The following HS1BP3 variants were observed in gnomAD, a reference collection of about 807,000 sequenced individuals.
The protein encoded by HS1BP3 is HCLS1-binding protein 3.
A neutral mutation model predicts 33.5 loss-of-function variants in HS1BP3; 32 were observed. The observed-to-expected ratio is 0.95, with a 90% CI of 0.72 to 1.28. The LOEUF is 1.28. Ranked by LOEUF, HS1BP3 falls within the 50% of genes most tolerant of loss-of-function variation. The probability of loss-of-function intolerance (pLI) is 0.00; values close to 1 mark genes in which losing one functional copy is unlikely to be tolerated. For missense variants in HS1BP3, 486 were observed against 502.3 expected, an observed-to-expected ratio of 0.97 and a Z score of 0.31; for synonymous variants, 187 against 209.2, an observed-to-expected ratio of 0.89 and a Z score of 0.92.
chr2:20,631,810 C>T (rs1694976833), intron 4 of HS1BP3, among the ~76,000 whole-genome samples: 1 of 152,142 alleles, frequency 6.6e-6, no homozygotes, highest in South Asian at 2.1e-4. Flanking sequence ...GTCCCAGCTG[C>T]AGGTCTCTGC....
At chr2:20,599,893 C>T (rs1694032708) in intron 2 of HS1BP3, among the ~76,000 whole-genome samples, 1 of 152,222 alleles carries the variant, frequency 6.6e-6, no homozygotes, top group Non-Finnish European at 1.5e-5. Context: ...CATCAAGTGA[C>T]AAGAAGTTCC....
chr2:20,583,549 G>T (rs1030459139), intron 5 of HS1BP3, among the ~76,000 whole-genome samples: 4 of 152,212 alleles, frequency 2.6e-5, no homozygotes, highest in African/African-American at 9.7e-5. Flanking sequence ...CCTGAAGCCT[G>T]GCACCGCTCC....
At chr2:20,560,155 G>T (rs1692954860), downstream of HS1BP3, among the ~76,000 whole-genome samples, 1 of 152,194 alleles carries the variant, frequency 6.6e-6, no homozygotes, top group Admixed American at 6.5e-5. Flanking sequence ...GGCTCTCATG[G>T]CTAGCTTTGC....
chr2:20,565,851 G>C (rs1359948457), intron 5 of HS1BP3, among the ~76,000 whole-genome samples: 1 of 152,250 alleles, frequency 6.6e-6, no homozygotes, highest in Non-Finnish European at 1.5e-5. Flanking sequence ...CCTGCGCAGT[G>C]AGATGGATGT....
At chr2:20,602,138 A>G (rs1393791465) in intron 2 of HS1BP3, among the ~76,000 whole-genome samples, 1 of 150,342 alleles carries the variant, frequency 6.7e-6, no homozygotes, top group African/African-American at 2.4e-5. Context: ...GTTTGAATTT[A>G]TCAGCTAGAA....
chr2:20,597,965 C>T (rs1004934810), intron 3 of HS1BP3, among the ~76,000 whole-genome samples: 22 of 152,116 alleles, frequency 1.4e-4, no homozygotes, highest in African/African-American at 5.3e-4. Context: ...AGGCTCAGCC[C>T]TGGTGAGGAG....
At chr2:20,594,017 A>C (rs765117131) in intron 3 of HS1BP3, among the ~76,000 whole-genome samples, 2 of 152,240 alleles carry the variant, frequency 1.3e-5, no homozygotes, top group Non-Finnish European at 2.9e-5. Context: ...GGGCTCTGTG[A>C]CTGGCACAAT....
intron 5 of HS1BP3, among the ~76,000 whole-genome samples, chr2:20,585,075 A>G (rs2149277019): frequency 6.6e-6 from 1 of 152,142 alleles, no homozygotes; most frequent in Admixed American, 6.5e-5. Context: ...ACCAAGGACA[A>G]CCTCCAAAAG....
At chr2:20,570,836 C>G (rs549764801) in intron 5 of HS1BP3, among the ~76,000 whole-genome samples, 1 of 152,298 alleles carries the variant, frequency 6.6e-6, no homozygotes, top group South Asian at 2.1e-4. Flanking sequence ...AGGAGGGCAG[C>G]AGGGTCTGTT....
the HS1BP3 span, among the ~76,000 whole-genome samples, chr2:20,554,867 T>C: frequency 0.95 from 144,517 of 152,230 alleles, 69,101 homozygotes; most frequent in East Asian, 1. Context: ...GATCCTTGCA[T>C]CCACCCCCTA....
At chr2:20,621,279 A>C (rs1200436170) in intron 6 of HS1BP3, among the ~76,000 whole-genome samples, 1 of 152,226 alleles carries the variant, frequency 6.6e-6, no homozygotes, top group East Asian at 1.9e-4. Flanking sequence ...CTGTGGAAGG[A>C]GCTCCGGACA....
At chr2:20,598,274 G>A (rs771858997) in intron 2 of HS1BP3, 1 of 417,818 alleles carries the variant, frequency 2.4e-6, no homozygotes, top group Non-Finnish European at 4.9e-6. Context: ...ACCTTCAGGG[G>A]ATGAGAGACA....
At chr2:20,639,604 G>A (rs1441456564) in intron 3 of HS1BP3, among the ~76,000 whole-genome samples, 1 of 152,228 alleles carries the variant, frequency 6.6e-6, no homozygotes, top group African/African-American at 2.4e-5. Context: ...GTGATGCTCT[G>A]TTATTTTACT....
chr2:20,560,147 C>A (rs1294529774), downstream of HS1BP3, among the ~76,000 whole-genome samples: 1 of 152,206 alleles, frequency 6.6e-6, no homozygotes, highest in African/African-American at 2.4e-5. Context: ...GCCAGGCTGG[C>A]TCTCATGGCT....
At chr2:20,588,253 C>T (rs79535612), downstream of HS1BP3, among the ~76,000 whole-genome samples, 296 of 152,248 alleles carry the variant, frequency 1.9e-3, 2 homozygotes, top group African/African-American at 7.0e-3. Context: ...ATAATTGGAA[C>T]AAACAATAAA....
At chr2:20,606,258 A>G in intron 2 of HS1BP3, 1 of 285,594 alleles carries the variant, frequency 3.5e-6, no homozygotes, top group Non-Finnish European at 7.3e-6. Context: ...ATTTTTCTAA[A>G]TGTACAGTTG....
chr2:20,646,707 GA>G (rs1197393502), intron 1 of HS1BP3, among the ~76,000 whole-genome samples: 1 of 152,268 alleles, frequency 6.6e-6, no homozygotes, highest in Non-Finnish European at 1.5e-5. Flanking sequence ...CAACGGCACC[GA>G]GTTCACGCAG....
intron 5 of HS1BP3, among the ~76,000 whole-genome samples, chr2:20,563,496 G>A (rs1558314849): frequency 6.6e-6 from 1 of 152,234 alleles, no homozygotes; most frequent in Non-Finnish European, 1.5e-5. Flanking sequence ...GACTCAATAA[G>A]GAGCTTCTAC....
At chr2:20,645,742 G>T (rs1394799186) in intron 1 of HS1BP3, among the ~76,000 whole-genome samples, 1 of 152,226 alleles carries the variant, frequency 6.6e-6, no homozygotes, top group Non-Finnish European at 1.5e-5. Flanking sequence ...CAGGGACAAA[G>T]GTCTGCTCCC....
Sources: allele counts gnomAD v4.1 joint callset (sites outside exome capture counted in the v4.1 genomes callset), GRCh38; gene constraint gnomAD v4.1.1; transcripts MANE v1.5; gene names NCBI Gene and HGNC (gene_info 2026-07-23, HGNC 2026-07-21).